Variants in CNNM2 observed in about 807,000 individuals in gnomAD.
CNNM2 encodes metal transporter CNNM2.
Under a neutral mutation model 66.9 loss-of-function variants are expected in CNNM2, and 12 were observed. That is an observed-to-expected ratio of 0.18 (90% CI 0.11 to 0.29). The LOEUF is 0.29. CNNM2 is among the 10% of genes least tolerant of loss of function. The probability of loss-of-function intolerance (pLI) is 1.00; values close to 1 mark genes in which losing one functional copy is unlikely to be tolerated. For missense variants in CNNM2, 705 were observed against 1,167.7 expected (o/e 0.60, Z 5.77); for synonymous variants, 557 against 501.8 (o/e 1.11, Z -1.47).
Position 103,077,322 on chromosome 10 carries a change from C to A in CNNM2, c.*142C>A. On this transcript the variant is annotated 3_prime_UTR_variant, in exon 8 of 8. Transcript: ENST00000369878. ...TGAGACCAAAGACCTTGTGCCCTTCCCAGGAGCCGCGGAGGAGGACAGTGA... is the reference window on the plus strand; with the variant it reads ...TGAGACCAAAGACCTTGTGCCCTTCACAGGAGCCGCGGAGGAGGACAGTGA... 1.4e-6 allele frequency: 1 copy of A among 707,646 alleles called. No individual in the cohort carries two copies. 43.8% of individuals were successfully genotyped at this position (707,646 alleles called of 1,614,324 possible). A position where few individuals can be genotyped will look rare whatever the true frequency, so the allele number is the denominator to read the frequency against.
chr10:103,063,785 A>G (rs1447931176), intron 4 of CNNM2, among the ~76,000 whole-genome samples: 3 of 152,212 alleles, frequency 2.0e-5, no homozygotes, highest in South Asian at 2.1e-4. Flanking sequence ...TTTTTTGGTG[A>G]TATGCTCGAC....
intron 1 of CNNM2, among the ~76,000 whole-genome samples, chr10:102,941,722 C>G (rs1399821374): frequency 1.3e-5 from 2 of 152,206 alleles, no homozygotes; most frequent in Admixed American, 1.3e-4. Context: ...TCTTACGATT[C>G]CAGCCCCTCT....
At chr10:103,001,686 C>G (rs1458516219) in intron 1 of CNNM2, among the ~76,000 whole-genome samples, 1 of 152,016 alleles carries the variant, frequency 6.6e-6, no homozygotes, top group Non-Finnish European at 1.5e-5. Flanking sequence ...AAAAATATAT[C>G]AGAGACCTAA....
At chr10:103,033,080 TGCACTCTA>T (rs1339138210) in intron 1 of CNNM2, among the ~76,000 whole-genome samples, 1 of 148,700 alleles carries the variant, frequency 6.7e-6, no homozygotes, top group African/African-American at 2.5e-5. Context: ...ATCATGCCAC[TGCACTCTA>T]GCCTGAGTGA....
intron 1 of CNNM2, among the ~76,000 whole-genome samples, chr10:102,923,163 G>A (rs1354699874): frequency 6.6e-6 from 1 of 151,632 alleles, no homozygotes; most frequent in Non-Finnish European, 1.5e-5. Context: ...AGGTCTCACT[G>A]TGTTGCCCAG....
chr10:102,941,454 A>G (rs1846430958), intron 1 of CNNM2, among the ~76,000 whole-genome samples: 1 of 151,804 alleles, frequency 6.6e-6, no homozygotes, highest in East Asian at 1.9e-4. Context: ...AAAAAAAATG[A>G]TCATATACAA....
chr10:102,925,757 C>A (rs1170548553), intron 1 of CNNM2, among the ~76,000 whole-genome samples: 1 of 152,162 alleles, frequency 6.6e-6, no homozygotes, highest in African/African-American at 2.4e-5. Context: ...TGGATTCAAG[C>A]AATTTTTGAC....
At chr10:102,996,439 T>G (rs1214168138) in intron 1 of CNNM2, among the ~76,000 whole-genome samples, 1 of 152,216 alleles carries the variant, frequency 6.6e-6, no homozygotes, top group African/African-American at 2.4e-5. Flanking sequence ...GTGCAACAGC[T>G]CACGCCTGTA....
chr10:103,076,406 A>G (rs2065691798), intron 7 of CNNM2, 136 bp downstream of exon 7: 1 of 807,064 alleles, frequency 1.2e-6, no homozygotes, highest in East Asian at 2.7e-5. Flanking sequence ...TCCATTCTCA[A>G]CTACACACCC....
rs377385988 is a variant in CNNM2, at chr10:103,005,182, A to G, written c.1622-44525A>G. On this transcript the variant is annotated intron_variant, in intron 1 of 7. Coordinates refer to ENST00000369878, the MANE Select transcript of CNNM2 (RefSeq NM_017649.5). Reference sequence around the variant, plus strand: ...CACCCACCTCGGCTCCCAAAGTGATAGGATTACAGACCTGAGCCACTGTGT... The same window carrying G: ...CACCCACCTCGGCTCCCAAAGTGATGGGATTACAGACCTGAGCCACTGTGT... Among the ~76,000 whole-genome samples, 21,217 of 151,904 alleles carry G rather than the reference A, an allele frequency of 0.14. 1,666 individuals carry two copies. The highest frequency in any genetic ancestry group is 0.19 in the East Asian group (982 of 5,140).
Position 103,088,014 on chromosome 10 carries a change from G to A in CNNM2, c.*10834G>A, listed in dbSNP as rs2065890907. On this transcript the variant is annotated 3_prime_UTR_variant, in exon 8 of 8. Coordinates refer to ENST00000369878, the MANE Select transcript of CNNM2 (RefSeq NM_017649.5). ...AAAATTGAGGCCTATGTAACACCAT[G>A]AATATAATCATGTTAGAACATAATC... The A allele has an allele frequency of 6.6e-6, 1 of 152,204 alleles. No individual in the cohort carries two copies. Among genetic ancestry groups the A allele is most frequent in the Admixed American group, 6.5e-5 (1 of 15,286 alleles). 9.4% of individuals were successfully genotyped at this position (152,204 alleles called of 1,614,324 possible). A position where few individuals can be genotyped will look rare whatever the true frequency, so the allele number is the denominator to read the frequency against.
chr10:102,964,403 A>G (rs958523385), intron 1 of CNNM2, among the ~76,000 whole-genome samples: 3 of 151,810 alleles, frequency 2.0e-5, no homozygotes, highest in Non-Finnish European at 4.4e-5. Flanking sequence ...TTATTTTTGT[A>G]TTTTTAGTGG....
chr10:103,054,568 G>A lies in CNNM2; in HGVS notation c.1903+102G>A. The A allele has an allele frequency of 8.1e-7, 1 of 1,239,368 alleles. No individual in the cohort carries two copies. The highest frequency in any genetic ancestry group is 1.5e-5 in the African/African-American group (1 of 65,658). 76.8% of individuals were successfully genotyped at this position (1,239,368 alleles called of 1,614,324 possible). On this transcript the variant is annotated intron_variant, in intron 3 of 7. Coordinates refer to ENST00000369878, the MANE Select transcript of CNNM2 (RefSeq NM_017649.5). This position sits in a 1 kb window ranked among gnomAD's most constrained non-coding sequence, Gnocchi z 5.2. ...GTTGGGGGTGGACACTGGGAAATGG[G>A]GTGATAAGTAATGCCACTTTTGTGT...
At chr10:103,062,156 T>C (rs796737224) in intron 4 of CNNM2, among the ~76,000 whole-genome samples, 3 of 152,296 alleles carry the variant, frequency 2.0e-5, no homozygotes, top group African/African-American at 4.8e-5. Flanking sequence ...GGGATCACTA[T>C]GTAGTAATGG....
At chr10:103,028,814 C>CTTTTTTTTTTTTTTTTTTTTTTTT (rs67846722) in intron 1 of CNNM2, among the ~76,000 whole-genome samples, 1 of 126,176 alleles carries the variant, frequency 7.9e-6, no homozygotes, top group African/African-American at 3.0e-5. Context: ...TTTTCTTTTT[C>CTTTTTTTTTTTTTTTTTTTTTTTT]TTTTTTTTTT....
rs560987348 is a variant in CNNM2 at position 102,924,070 on chromosome 10, G to A, written c.1621+3969G>A. Among the ~76,000 whole-genome samples the A allele has an allele frequency of 3.3e-5, 5 of 152,284 alleles. No individual in the cohort carries two copies. The South Asian group carries it at 1.0e-3, about 32-fold the overall frequency. Reference sequence around the variant, plus strand: ...CCTTTCTCTTTTTTTGTGTGTGTTAGTTTTGTAGTTACTTACAAGTCTAAA... The same window carrying A: ...CCTTTCTCTTTTTTTGTGTGTGTTAATTTTGTAGTTACTTACAAGTCTAAA... On this transcript the variant is annotated intron_variant, in intron 1 of 7. Coordinates refer to ENST00000369878, the MANE Select transcript of CNNM2 (RefSeq NM_017649.5).
chr10:103,056,772 T>C, intron 3 of CNNM2, 23 bp from the exon 4 acceptor site: 3 of 1,608,340 alleles, frequency 1.9e-6, no homozygotes, highest in South Asian at 1.1e-5. Context: ...AAATGTAATA[T>C]CAAGTTGTGT....
In CNNM2 at chr10:102,968,224, T is replaced by TTTG. The variant is rs367990275; in HGVS notation, c.1621+48144_1621+48146dup. On this transcript the variant is annotated intron_variant, in intron 1 of 7. Coordinates refer to ENST00000369878, the MANE Select transcript of CNNM2 (RefSeq NM_017649.5). ...GAGGGTTTTGGTTTTTCCACATCTTTTTGTTGTTGTTGTTGTTGTTGTTTT... is the reference window on the plus strand; with the variant it reads ...GAGGGTTTTGGTTTTTCCACATCTTTTTGTTGTTGTTGTTGTTGTTGTTGTTTT... Among the ~76,000 whole-genome samples the TTTG allele has an allele frequency of 9.9e-4, 150 of 152,124 alleles. No individual in the cohort carries two copies. In the Middle Eastern group the frequency reaches 0.014, roughly 14 times the overall value.
chr10:102,958,459 G>GTTTTTTTT (rs33992570), intron 1 of CNNM2, among the ~76,000 whole-genome samples: 5 of 51,744 alleles, frequency 9.7e-5, no homozygotes, highest in African/African-American at 1.5e-4. Flanking sequence ...CAAGCAACTT[G>GTTTTTTTT]TTTTTTTTTT....
Sources: allele counts gnomAD v4.1 joint callset (sites outside exome capture counted in the v4.1 genomes callset), GRCh38; gene constraint gnomAD v4.1.1; non-coding constraint Gnocchi (gnomAD v3.1); transcripts MANE v1.5; gene names NCBI Gene and HGNC (gene_info 2026-07-23, HGNC 2026-07-21).